The following DLK2 variants were observed in gnomAD, a reference collection of about 807,000 sequenced individuals.
DLK2 encodes delta like non-canonical Notch ligand 2, also known as protein delta homolog 2.
A neutral mutation model predicts 31.3 loss-of-function variants in DLK2; 9 were observed. The ratio of observed to expected loss-of-function variants is 0.29; its 90% CI spans 0.17 to 0.50. The LOEUF (loss-of-function observed/expected upper bound fraction) is 0.50, where lower values mean the gene tolerates loss of function less well. DLK2 is among the 20% of genes least tolerant of loss of function. The probability of loss-of-function intolerance (pLI) is 0.98; values close to 1 mark genes in which losing one functional copy is unlikely to be tolerated. For missense variants in DLK2, 387 were observed against 526.1 expected (o/e 0.74, Z 2.59); for synonymous variants, 169 against 201.2 (o/e 0.84, Z 1.35).
chr6:43,452,860 TAA>T, intron 4 of DLK2, 143 bp downstream of exon 4: 2 of 1,240,924 alleles, frequency 1.6e-6, no homozygotes, highest in East Asian at 5.0e-5. Flanking sequence ...AGACAACATA[TAA>T]AAAGTCTAAG....
At position 43,451,070 on chromosome 6, in the gene DLK2, G is replaced by C. The variant is rs1783702666; in HGVS notation, c.621C>G (p.Arg207=). The change falls in exon 6 of 6, where the codon CGC becomes CGG. Residue 207 remains arginine (R), a synonymous_variant. Transcript: ENST00000372488. This position sits in a 1 kb window ranked among gnomAD's most constrained non-coding sequence, Gnocchi z 4.4. Reference sequence around the variant, plus strand: ...AGTCATCCAGGTTGATGGTGCAGAAGCGTCCAGCAAAGCCCTCAGGACAGA... The same window carrying C: ...AGTCATCCAGGTTGATGGTGCAGAACCGTCCAGCAAAGCCCTCAGGACAGA... The part of the protein sequence containing the change: ...SCLCPEGFAG[R]FCTINLDDCA... 1 of 1,614,234 alleles carries C rather than the reference G, an allele frequency of 6.2e-7. No homozygotes were observed. Among genetic ancestry groups the C allele is most frequent in the Non-Finnish European group, 8.5e-7 (1 of 1,180,034 alleles).
Position 43,451,108 on chromosome 6 carries a change from G to A in DLK2, c.583C>T (p.Arg195Cys), listed in dbSNP as rs370997475. The A allele has an allele frequency of 2.5e-6, 4 of 1,614,216 alleles. No homozygotes were observed. Among genetic ancestry groups the A allele is most frequent in the Non-Finnish European group, 3.4e-6 (4 of 1,180,038 alleles). Reference protein sequence around the residue: ...NGATCLDGINRFSCLCPEGFA... With the variant: ...NGATCLDGINCFSCLCPEGFA... Reference sequence around the variant, plus strand: ...CCCTCAGGACAGAGGCAGGAGAAGCGGTTTATGCCGTCAAGGCAGGTGGCA... The same window carrying A: ...CCCTCAGGACAGAGGCAGGAGAAGCAGTTTATGCCGTCAAGGCAGGTGGCA... Residue 195 changes from arginine (R) to cysteine (C), a missense_variant, in exon 6 of 6, where the codon CGC (arginine) becomes TGC (cysteine). Arg to Cys is a radical substitution (Grantham distance 180). Coordinates refer to ENST00000372488, the MANE Select transcript of DLK2 (RefSeq NM_023932.4). This position sits in a 1 kb window ranked among gnomAD's most constrained non-coding sequence, Gnocchi z 4.4.
rs369205002 is a variant in DLK2, at chr6:43,453,178, G to A, written c.141-43C>T. 63 of 1,557,226 alleles carry A rather than the reference G, an allele frequency of 4.0e-5. No individual in the cohort carries two copies. In the African/African-American group the frequency reaches 6.3e-4, roughly 16 times the overall value. ...AGGGTCAGGGCTCTGGGTCATGGAT[G>A]TGAAGAAATGGAGGAGACAGAACCA... On this transcript the variant is annotated intron_variant, in intron 3 of 5. Coordinates refer to ENST00000372488, the MANE Select transcript of DLK2 (RefSeq NM_023932.4). This position sits in a 1 kb window ranked among gnomAD's most constrained non-coding sequence, Gnocchi z 4.1.
At chr6:43,455,592 C>A (rs971705886), upstream of DLK2, 5 of 149,592 alleles carry the variant, frequency 3.3e-5, no homozygotes, top group African/African-American at 1.2e-4. Context: ...CTGCTCCTCG[C>A]GCGCGCTCAG....
rs373920022 is a variant in DLK2, at chr6:43,454,892, C to T, written c.-55-12G>A. On this transcript the variant is annotated splice_polypyrimidine_tract_variant and intron_variant, in intron 1 of 5. Coordinates refer to ENST00000372488, the MANE Select transcript of DLK2 (RefSeq NM_023932.4). ...GGACGCGTGGACACCTGTGGGACGG[C>T]ACCGGTTGGGAGGCGGCCGGACGCG... The T allele has an allele frequency of 2.0e-6, 3 of 1,526,762 alleles. No homozygotes were observed. Among genetic ancestry groups the T allele is most frequent in the African/African-American group, 1.4e-5 (1 of 72,344 alleles). The allele number at this position is 1,526,762 out of a possible 1,614,324, so 94.6% of individuals were successfully genotyped here. A position where few individuals can be genotyped will look rare whatever the true frequency, so the allele number is the denominator to read the frequency against.
chr6:43,450,448 G>C lies in DLK2; in HGVS notation c.*91C>G, dbSNP rs1197438571. ...TGTGAGGCTGAGGTCTCCTCTGTGT[G>C]TGTACCCAAGCTGAAGGGTGGTGAG... is the stretch of plus-strand genomic sequence containing the variant. On this transcript the variant is annotated 3_prime_UTR_variant, in exon 6 of 6. Coordinates refer to ENST00000372488, the MANE Select transcript of DLK2 (RefSeq NM_023932.4). The surrounding 1 kb of genome is among the most constrained non-coding windows in gnomAD (Gnocchi z 4.5). 2 of 1,417,868 alleles carry C rather than the reference G, an allele frequency of 1.4e-6. No homozygotes were observed. The highest frequency in any genetic ancestry group is 1.9e-6 in the Non-Finnish European group (2 of 1,056,846). The allele number at this position is 1,417,868 out of a possible 1,614,324, so 87.8% of individuals were successfully genotyped here.
chr6:43,455,243 G>C (rs925449956), intron 1 of DLK2, 152 bp downstream of exon 1: 41 of 238,276 alleles, frequency 1.7e-4, no homozygotes, highest in South Asian at 3.1e-4. Context: ...GACGGTTCCC[G>C]GCAGCGAGCA....
intron 1 of DLK2, 105 bp from the exon 2 acceptor site, chr6:43,454,985 A>C: frequency 1.5e-6 from 2 of 1,316,580 alleles, no homozygotes. Context: ...CCGGGACAGA[A>C]GAAGGGGATG....
chr6:43,455,675 C>G (rs1426191062), upstream of DLK2: 1 of 139,020 alleles, frequency 7.2e-6, no homozygotes, highest in Non-Finnish European at 1.6e-5. Flanking sequence ...CACCTAGCAC[C>G]CGGCGCGCCC....
Position 43,455,492 on chromosome 6 carries a change from T to C in DLK2, c.-153A>G, listed in dbSNP as rs1482314062. 1 of 149,756 alleles carries C rather than the reference T, an allele frequency of 6.7e-6. No homozygotes were observed. Among genetic ancestry groups the C allele is most frequent in the Non-Finnish European group, 1.5e-5 (1 of 67,242 alleles). 9.3% of individuals were successfully genotyped at this position (149,756 alleles called of 1,614,324 possible). On this transcript the variant is annotated 5_prime_UTR_variant, in exon 1 of 6. Transcript: ENST00000372488. ...GAGGGAGCGCGGGGCCGCCCCTAGC[T>C]GGCCGCGGGGCCGGGCGCCGAAGCG... is the stretch of plus-strand genomic sequence containing the variant.
Position 43,451,130 on chromosome 6 carries a change from G to A in DLK2, c.561C>T (p.Ala187=), listed in dbSNP as rs930519207. The change falls in exon 6 of 6, where the codon GCC becomes GCT. Residue 187 remains alanine, a synonymous_variant. Coordinates refer to ENST00000372488, the MANE Select transcript of DLK2 (RefSeq NM_023932.4). This position sits in a 1 kb window ranked among gnomAD's most constrained non-coding sequence, Gnocchi z 4.4. ...DCLMRPCANG[A]TCLDGINRFS... is the part of the protein sequence containing the mutation. Reference sequence around the variant, plus strand: ...AGCGGTTTATGCCGTCAAGGCAGGTGGCACCGTTAGCACAAGGCCGCATCA... The same window carrying A: ...AGCGGTTTATGCCGTCAAGGCAGGTAGCACCGTTAGCACAAGGCCGCATCA... 6.2e-7 allele frequency: 1 copy of A among 1,614,108 alleles called. No individual in the cohort carries two copies. The highest frequency in any genetic ancestry group is 8.5e-7 in the Non-Finnish European group (1 of 1,180,050).
chr6:43,450,630 T>C lies in DLK2; in HGVS notation c.1061A>G (p.Gln354Arg). 6.2e-7 allele frequency: 1 copy of C among 1,612,822 alleles called. No individual in the cohort carries two copies. The highest frequency in any genetic ancestry group is 8.5e-7 in the Non-Finnish European group (1 of 1,179,320). Reference protein sequence around the residue: ...YPAPHYAPACQDQECQVSMLP... With the variant: ...YPAPHYAPACRDQECQVSMLP... ...CATGCTAACCTGACACTCCTGGTCC[T>C]GGCACGCTGGAGCATAGTGTGGGGC... The change falls in exon 6 of 6, where the codon CAG becomes CGG. Residue 354 changes from glutamine to arginine, a missense_variant. Coordinates refer to ENST00000372488, the MANE Select transcript of DLK2 (RefSeq NM_023932.4). The surrounding 1 kb of genome is among the most constrained non-coding windows in gnomAD (Gnocchi z 4.5).
chr6:43,456,321 C>G (rs1046859588), upstream of DLK2: 1 of 152,586 alleles, frequency 6.6e-6, no homozygotes, highest in African/African-American at 2.4e-5. Flanking sequence ...CTGCCCAAAC[C>G]TGGAGCTCAG....
In DLK2 at chr6:43,452,024, C is replaced by G; in HGVS notation, c.332G>C (p.Gly111Ala). Residue 111 changes from glycine (G) to alanine (A), a missense_variant, in exon 5 of 6, where the codon GGG becomes GCG. Coordinates refer to ENST00000372488, the MANE Select transcript of DLK2 (RefSeq NM_023932.4). The stretch of plus-strand genomic sequence containing the variant: ...GCACACACAATGGTACTCACCGCCC[C>G]CGTCATACATGCACTGGCCTCCATT... The part of the protein sequence containing the change: ...CQNGGQCMYD[G>A]GGEYHCVCLP... 1 of 1,614,232 alleles carries G rather than the reference C, an allele frequency of 6.2e-7. No individual in the cohort carries two copies.
rs551599130 is a variant in DLK2 at position 43,450,441 on chromosome 6, T to C, written c.*98A>G. On this transcript the variant is annotated 3_prime_UTR_variant, in exon 6 of 6. Transcript: ENST00000372488. The surrounding 1 kb of genome is among the most constrained non-coding windows in gnomAD (Gnocchi z 4.5). ...TTTCTGGTGTGAGGCTGAGGTCTCC[T>C]CTGTGTGTGTACCCAAGCTGAAGGG... is the stretch of plus-strand genomic sequence containing the variant. 8 of 1,369,660 alleles carry C rather than the reference T, an allele frequency of 5.8e-6. No individual in the cohort carries two copies. In the South Asian group the frequency reaches 1.2e-4, roughly 21 times the overall value. 84.8% of individuals were successfully genotyped at this position (1,369,660 alleles called of 1,614,324 possible).
At position 43,455,526 on chromosome 6, in the gene DLK2, G is replaced by C. The variant is rs1783948559; in HGVS notation, c.-187C>G. On this transcript the variant is annotated 5_prime_UTR_variant, in exon 1 of 6. Transcript: ENST00000372488. Reference sequence around the variant, plus strand: ...GGCCGGGCGCCGAAGCGGCTGCCATGCGAGCCGAGCGCTCGGGAATCTGGG... The same window carrying C: ...GGCCGGGCGCCGAAGCGGCTGCCATCCGAGCCGAGCGCTCGGGAATCTGGG... 1 of 151,050 alleles carries C rather than the reference G, an allele frequency of 6.6e-6. No homozygotes were observed. Among genetic ancestry groups the C allele is most frequent in the Admixed American group, 6.6e-5 (1 of 15,182 alleles). 9.4% of individuals were successfully genotyped at this position (151,050 alleles called of 1,614,324 possible). A position where few individuals can be genotyped will look rare whatever the true frequency, so the allele number is the denominator to read the frequency against.
chr6:43,450,531 C>T lies in DLK2; in HGVS notation c.*8G>A. 6.5e-7 allele frequency: 1 copy of T among 1,534,316 alleles called. No homozygotes were observed. On this transcript the variant is annotated 3_prime_UTR_variant, in exon 6 of 6. Coordinates refer to ENST00000372488, the MANE Select transcript of DLK2 (RefSeq NM_023932.4). This position sits in a 1 kb window ranked among gnomAD's most constrained non-coding sequence, Gnocchi z 4.5. ...GTGAGGAAGGGGGCCAGAAAGCCCC[C>T]ACCTCCATCACAGTGCTGTGGTCTT...
In DLK2 at chr6:43,451,971, C is replaced by G. The variant is rs368152078; in HGVS notation, c.385G>C (p.Glu129Gln). The G allele has an allele frequency of 2.3e-5, 37 of 1,614,062 alleles. No homozygotes were observed. Among genetic ancestry groups the G allele is most frequent in the Non-Finnish European group, 3.0e-5 (35 of 1,180,042 alleles). The stretch of plus-strand genomic sequence containing the variant: ...TGTTCACAGGGTCCAGCCTTGCGCT[C>G]GCAGTCACGCCCATGGAAGCCTGGT... ...CLPGFHGRDCERKAGPCEQAG... is the reference protein window; with the variant it reads ...CLPGFHGRDCQRKAGPCEQAG... Residue 129 changes from glutamate to glutamine, a missense_variant, in exon 5 of 6, where the codon GAG becomes CAG. Physicochemically the swap from Glu to Gln is conservative, Grantham distance 29. Coordinates refer to ENST00000372488, the MANE Select transcript of DLK2 (RefSeq NM_023932.4). The surrounding 1 kb of genome is among the most constrained non-coding windows in gnomAD (Gnocchi z 4.4).
chr6:43,454,978 G>A (rs1783919512), intron 1 of DLK2, 98 bp from the exon 2 acceptor site: 7 of 1,452,974 alleles, frequency 4.8e-6, no homozygotes, highest in Non-Finnish European at 6.3e-6. Flanking sequence ...AGGGGCGCCG[G>A]GACAGAAGAA....
Sources: gnomAD v4.1 joint callset for allele counts on GRCh38, gnomAD v4.1.1 for gene constraint, Gnocchi (gnomAD v3.1) non-coding constraint, MANE v1.5 for transcripts, NCBI Gene and HGNC (gene_info 2026-07-23, HGNC 2026-07-21) for gene names.